The following RXFP1 variants were observed in gnomAD, a reference collection of about 807,000 sequenced individuals.
The protein encoded by RXFP1 is relaxin receptor 1.
RXFP1 carries 73 observed loss-of-function variants against 89.8 expected under a neutral mutation model. The ratio of observed to expected loss-of-function variants is 0.81; its 90% confidence interval spans 0.67 to 0.99. The LOEUF is 0.99. Among genes scored for constraint, RXFP1 ranks in the 50% least tolerant of loss-of-function variants. The probability of loss-of-function intolerance (pLI) is 0.00; values close to 1 mark genes in which losing one functional copy is unlikely to be tolerated. For missense variants in RXFP1, 793 were observed against 895.5 expected (o/e 0.89, Z 1.46); for synonymous variants, 277 against 305.5 (o/e 0.91, Z 0.97).
intron 4 of RXFP1, among the ~76,000 whole-genome samples, chr4:158,600,140 T>C (rs978125639): frequency 6.6e-6 from 1 of 152,218 alleles, no homozygotes; most frequent in African/African-American, 2.4e-5. Flanking sequence ...ATCCAATATT[T>C]TTGCTGAGTT....
At chr4:158,610,194 G>A (rs928882649) in intron 6 of RXFP1, among the ~76,000 whole-genome samples, 3 of 152,138 alleles carry the variant, frequency 2.0e-5, no homozygotes, top group Admixed American at 6.5e-5. Flanking sequence ...GAACCTGGGG[G>A]GCGGAGGTTG....
intron 1 of RXFP1, among the ~76,000 whole-genome samples, chr4:158,559,572 T>G (rs1228803887): frequency 6.6e-6 from 1 of 152,144 alleles, no homozygotes; most frequent in Admixed American, 6.5e-5. Context: ...TTTAAAAAAT[T>G]TTTTCATATA....
intron 1 of RXFP1, among the ~76,000 whole-genome samples, chr4:158,547,069 C>T (rs1234099290): frequency 6.6e-6 from 1 of 152,026 alleles, no homozygotes; most frequent in African/African-American, 2.4e-5. Context: ...GCTGTGAATC[C>T]ATCTGGTCCT....
intron 6 of RXFP1, among the ~76,000 whole-genome samples, chr4:158,611,473 C>T (rs922035763): frequency 2.6e-5 from 4 of 152,200 alleles, no homozygotes; most frequent in African/African-American, 9.7e-5. Flanking sequence ...GGTTTATCTC[C>T]TGTCTCTCCT....
intron 1 of RXFP1, among the ~76,000 whole-genome samples, chr4:158,569,282 A>G (rs6857344): frequency 0.69 from 105,725 of 152,194 alleles, 42,205 homozygotes; most frequent in East Asian, 0.97. Flanking sequence ...GAGATAGTAA[A>G]ATGTTCAGTG....
At position 158,648,715 on chromosome 4, in the gene RXFP1, C is replaced by G. The variant is rs764984199; in HGVS notation, c.1973C>G (p.Pro658Arg). ...CTTTCACTGCTTCAGGTAGAAATAC[C>G]AGGTACAATATTTTTTAATCTCCTT... ...KFLSLLQVEI[P>R]GTITSWVVIF... The change falls in exon 17 of 18, where the codon CCA (proline) becomes CGA (arginine). Residue 658 changes from proline to arginine, a missense_variant and splice_region_variant. Physicochemically the swap from Pro to Arg is moderately radical, Grantham distance 103. Transcript: ENST00000307765. 3 of 1,548,674 alleles carry G rather than the reference C, an allele frequency of 1.9e-6. No individual in the cohort carries two copies. The highest frequency in any genetic ancestry group is 2.7e-6 in the Non-Finnish European group (3 of 1,131,310).
At chr4:158,576,651 C>G (rs933571124) in intron 2 of RXFP1, among the ~76,000 whole-genome samples, 1 of 152,082 alleles carries the variant, frequency 6.6e-6, no homozygotes, top group Non-Finnish European at 1.5e-5. Flanking sequence ...ATATGGTACA[C>G]AAGCATTCTA....
chr4:158,535,596 A>G (rs557269345), intron 1 of RXFP1, among the ~76,000 whole-genome samples: 2 of 152,250 alleles, frequency 1.3e-5, no homozygotes, highest in Non-Finnish European at 2.9e-5. Context: ...CACTTGAGTC[A>G]CTGGAAAGAT....
intron 2 of RXFP1, among the ~76,000 whole-genome samples, chr4:158,591,253 AG>A (rs1235852870): frequency 6.6e-6 from 1 of 152,220 alleles, no homozygotes; most frequent in Non-Finnish European, 1.5e-5. Context: ...AGTCTCAGGA[AG>A]TTTTAGTCTC....
rs377191971 is a variant in RXFP1 at position 158,605,752 on chromosome 4, G to T, written c.464+613G>T. Among the ~76,000 whole-genome samples the T allele has an allele frequency of 1.2e-4, 19 of 152,092 alleles. No individual in the cohort carries two copies. In the East Asian group the frequency reaches 2.9e-3, roughly 23 times the overall value. ...TTTACCTGTTATTTAGGTCTACTTT[G>T]TGACTAAATTATGTTGTCATATGGT... On this transcript the variant is annotated intron_variant, in intron 5 of 17. Transcript: ENST00000307765.
chr4:158,610,518 T>C (rs1763375270), intron 6 of RXFP1: 3 of 416,596 alleles, frequency 7.2e-6, no homozygotes, highest in Non-Finnish European at 1.4e-5. Context: ...GGGAAAACAA[T>C]GCCAACATAT....
intron 9 of RXFP1, among the ~76,000 whole-genome samples, chr4:158,617,438 T>A (rs1217488972): frequency 6.9e-6 from 1 of 145,000 alleles, no homozygotes; most frequent in African/African-American, 2.7e-5. Flanking sequence ...TATATATATA[T>A]ATATATATAC....
chr4:158,545,009 T>C (rs1204436311), intron 1 of RXFP1, among the ~76,000 whole-genome samples: 2 of 151,830 alleles, frequency 1.3e-5, no homozygotes, highest in African/African-American at 2.4e-5. Flanking sequence ...TCTAGATCCC[T>C]GAGGAATCGC....
chr4:158,619,396 G>T (rs1286726150), intron 9 of RXFP1, among the ~76,000 whole-genome samples: 1 of 152,206 alleles, frequency 6.6e-6, no homozygotes, highest in Admixed American at 6.5e-5. Flanking sequence ...ACAAGAAGAT[G>T]TGGGACATAC....
At chr4:158,617,426 A>ATATAT (rs1554017038) in intron 9 of RXFP1, among the ~76,000 whole-genome samples, 20 of 149,246 alleles carry the variant, frequency 1.3e-4, no homozygotes, top group African/African-American at 4.9e-4. Flanking sequence ...TCTCAAAAAA[A>ATATAT]ATATATATAT....
intron 9 of RXFP1, among the ~76,000 whole-genome samples, chr4:158,623,217 G>C (rs1385656019): frequency 6.6e-6 from 1 of 151,800 alleles, no homozygotes; most frequent in Admixed American, 6.6e-5. Context: ...TCCACCACTG[G>C]GTCAGGTGCG....
intron 1 of RXFP1, among the ~76,000 whole-genome samples, chr4:158,562,640 A>AT (rs111728743): frequency 5.3e-5 from 8 of 150,936 alleles, no homozygotes; most frequent in African/African-American, 1.5e-4. Flanking sequence ...TGAGCCAACA[A>AT]TTTTTTTTAC....
chr4:158,595,360 T>C (rs577336729), intron 3 of RXFP1, among the ~76,000 whole-genome samples: 1 of 152,318 alleles, frequency 6.6e-6, no homozygotes, highest in Admixed American at 6.5e-5. Flanking sequence ...TTTTATATCA[T>C]ATATTTAGTT....
chr4:158,536,391 T>C (rs913874664), intron 1 of RXFP1, among the ~76,000 whole-genome samples: 2 of 152,206 alleles, frequency 1.3e-5, no homozygotes, highest in African/African-American at 4.8e-5. Flanking sequence ...CTTAAGAGTA[T>C]GATGAAACAG....
Sources: allele counts gnomAD v4.1 joint callset (sites outside exome capture counted in the v4.1 genomes callset), GRCh38; gene constraint gnomAD v4.1.1; transcripts MANE v1.5; gene names NCBI Gene and HGNC (gene_info 2026-07-23, HGNC 2026-07-21).